CENPP: variants seen among roughly 807,000 people sequenced by gnomAD.
The protein encoded by CENPP is centromere protein P.
Under a neutral mutation model 35.6 loss-of-function variants are expected in CENPP, and 24 were observed. The observed-to-expected ratio is 0.67, with a 90% CI of 0.49 to 0.95. The LOEUF (loss-of-function observed/expected upper bound fraction) is 0.95. Ranked by LOEUF, CENPP falls within the 40% of genes least tolerant of loss-of-function variation. The probability of loss-of-function intolerance (pLI) is 0.00; values close to 1 mark genes in which losing one functional copy is unlikely to be tolerated. For synonymous variants in CENPP, 120 were observed against 125.5 expected (o/e 0.96, Z 0.29); for missense variants, 332 against 345.3 (o/e 0.96, Z 0.31).
intron 4 of CENPP, among the ~76,000 whole-genome samples, chr9:92,352,713 G>T (rs991320219): frequency 6.6e-6 from 1 of 150,866 alleles, no homozygotes; most frequent in African/African-American, 2.5e-5. Context: ...AGGCTGGGAG[G>T]CTAGGCCAGT....
intron 5 of CENPP, among the ~76,000 whole-genome samples, chr9:92,545,615 A>G (rs1351371013): frequency 6.6e-6 from 1 of 152,184 alleles, no homozygotes; most frequent in Non-Finnish European, 1.5e-5. Flanking sequence ...TGACCGCCCA[A>G]GGGCTGAGGA....
intron 5 of CENPP, among the ~76,000 whole-genome samples, chr9:92,421,255 G>T (rs996465213): frequency 1.3e-5 from 2 of 152,114 alleles, no homozygotes; most frequent in Non-Finnish European, 2.9e-5. Context: ...GCTCAGGCTG[G>T]TCATGAACTT....
chr9:92,539,506 G>T (rs1378803973), intron 5 of CENPP, among the ~76,000 whole-genome samples: 1 of 152,104 alleles, frequency 6.6e-6, no homozygotes, highest in African/African-American at 2.4e-5. Flanking sequence ...AGTTGATGCA[G>T]AGTAGAGTTT....
chr9:92,611,396 G>A lies in CENPP; in HGVS notation c.644+3G>A, dbSNP rs945049164. On this transcript the variant is annotated splice_donor_region_variant and intron_variant, in intron 6 of 7. Transcript: ENST00000375587. Reference sequence around the variant, plus strand: ...ATCCGCAGCGCCAGCCGGCCAGGGTGAGCCTGCACAGGCCATGGGGCCTCC... The same window carrying A: ...ATCCGCAGCGCCAGCCGGCCAGGGTAAGCCTGCACAGGCCATGGGGCCTCC... The A allele has an allele frequency of 1.9e-6, 3 of 1,611,410 alleles. No homozygotes were observed. The highest frequency in any genetic ancestry group is 4.5e-5 in the East Asian group (2 of 44,860).
intron 5 of CENPP, among the ~76,000 whole-genome samples, chr9:92,478,885 A>G (rs1192763925): frequency 1.3e-5 from 2 of 152,240 alleles, no homozygotes; most frequent in African/African-American, 4.8e-5. Context: ...GAACTTAAAA[A>G]AAAAAAGTAA....
chr9:92,416,052 A>G (rs796151102), intron 5 of CENPP, among the ~76,000 whole-genome samples: 3,017 of 90,564 alleles, frequency 0.033, 58 homozygotes, highest in South Asian at 0.11. Flanking sequence ...TATATTATAT[A>G]TGTGTGTATA....
At position 92,620,465 on chromosome 9, in the gene CENPP, T is replaced by C. The variant is rs1359504542; in HGVS notation, c.*7316T>C. On this transcript the variant is annotated 3_prime_UTR_variant, in exon 8 of 8. Coordinates refer to ENST00000375587, the MANE Select transcript of CENPP (RefSeq NM_001012267.3). ...TCTTCCTTCTTTGGACTTTCATATA[T>C]GGTTTGCATTGTTTTAGATGGCATA... The C allele has an allele frequency of 6.6e-6, 1 of 152,246 alleles. No individual in the cohort carries two copies. Among genetic ancestry groups the C allele is most frequent in the Non-Finnish European group, 1.5e-5 (1 of 68,036 alleles). The allele number at this position is 152,246 out of a possible 1,614,324, so 9.4% of individuals were successfully genotyped here.
chr9:92,368,659 G>GT (rs1401857210), intron 4 of CENPP, among the ~76,000 whole-genome samples: 1 of 152,144 alleles, frequency 6.6e-6, no homozygotes, highest in African/African-American at 2.4e-5. Flanking sequence ...ATTGTGGATA[G>GT]TTTTTTTGGC....
chr9:92,456,028 G>A (rs973119466), intron 5 of CENPP, among the ~76,000 whole-genome samples: 45 of 152,164 alleles, frequency 3.0e-4, no homozygotes, highest in Non-Finnish European at 5.3e-4. Flanking sequence ...CCAAGATCAG[G>A]CCACTGCACT....
intron 3 of CENPP, chr9:92,341,573 C>G (rs753608952): frequency 6.6e-6 from 1 of 152,222 alleles, no homozygotes; most frequent in East Asian, 1.9e-4. Context: ...TGGGGTAGGT[C>G]CCCCGATAGT....
intron 5 of CENPP, among the ~76,000 whole-genome samples, chr9:92,402,158 T>A (rs1843141984): frequency 6.6e-6 from 1 of 152,206 alleles, no homozygotes; most frequent in Non-Finnish European, 1.5e-5. Flanking sequence ...ATCATCCAAG[T>A]GAGCCAATAG....
chr9:92,533,638 A>G lies in CENPP; in HGVS notation c.565-77676A>G, dbSNP rs536250142. Among the ~76,000 whole-genome samples the G allele has an allele frequency of 4.6e-5, 7 of 152,030 alleles. No individual in the cohort carries two copies. In the South Asian group the frequency reaches 1.5e-3, roughly 32 times the overall value. On this transcript the variant is annotated intron_variant, in intron 5 of 7. Coordinates refer to ENST00000375587, the MANE Select transcript of CENPP (RefSeq NM_001012267.3). ...GACTTGCCTTGTCTGCCATTATCAG[A>G]AGGAGAAGCTCCCTCAGATTCCTTT... is the stretch of plus-strand genomic sequence containing the variant.
chr9:92,610,040 C>A (rs904329324), intron 5 of CENPP, among the ~76,000 whole-genome samples: 18 of 151,872 alleles, frequency 1.2e-4, no homozygotes, highest in African/African-American at 4.4e-4. Context: ...CGCACCCAGC[C>A]AAAAACACAA....
chr9:92,522,940 T>C (rs10120292), intron 5 of CENPP: 867,026 of 1,483,154 alleles, frequency 0.58, 259,326 homozygotes, highest in African/African-American at 0.9. Flanking sequence ...AAATTTTTAC[T>C]TCTGAAAATT....
chr9:92,337,516 A>AAATATTTGTT, intron 2 of CENPP, 25 bp from the exon 3 acceptor site: 1 of 1,380,816 alleles, frequency 7.2e-7, no homozygotes, highest in Non-Finnish European at 1.0e-6. Context: ...TTTGCAAACA[A>AAATATTTGTT]AATATTTGTT....
chr9:92,609,095 TCAAC>T (rs1851162206), intron 5 of CENPP, among the ~76,000 whole-genome samples: 1 of 152,252 alleles, frequency 6.6e-6, no homozygotes. Flanking sequence ...GGCTTAAAAA[TCAAC>T]CAACACTTTC....
intron 5 of CENPP, chr9:92,465,016 G>A (rs1178689766): frequency 6.2e-7 from 1 of 1,611,566 alleles, no homozygotes; most frequent in South Asian, 1.1e-5. Flanking sequence ...TATCAAGAGG[G>A]TTTGCACTCA....
In CENPP at chr9:92,619,224, G is replaced by GT. The variant is rs1851544403; in HGVS notation, c.*6076dup. 1 of 432,750 alleles carries GT rather than the reference G, an allele frequency of 2.3e-6. No individual in the cohort carries two copies. Among genetic ancestry groups the GT allele is most frequent in the Non-Finnish European group, 4.3e-6 (1 of 234,992 alleles). The allele number at this position is 432,750 out of a possible 1,614,324, so 26.8% of individuals were successfully genotyped here. ...CCACATTGTTTCTGAGCTCTTGGGA[G>GT]TATTTTCTTAGAAAACAGTAACTTT... On this transcript the variant is annotated 3_prime_UTR_variant, in exon 8 of 8. Coordinates refer to ENST00000375587, the MANE Select transcript of CENPP (RefSeq NM_001012267.3).
intron 5 of CENPP, among the ~76,000 whole-genome samples, chr9:92,467,425 A>G (rs1416501143): frequency 6.6e-6 from 1 of 152,232 alleles, no homozygotes; most frequent in Admixed American, 6.5e-5. Context: ...TTGCAAAATG[A>G]GCATAGCTCA....
Sources: gnomAD v4.1 joint callset for allele counts (sites outside exome capture counted in the v4.1 genomes callset) on GRCh38, gnomAD v4.1.1 for gene constraint, MANE v1.5 for transcripts, NCBI Gene and HGNC (gene_info 2026-07-23, HGNC 2026-07-21) for gene names.